The following DCT variants were observed in gnomAD, a reference collection of about 807,000 sequenced individuals.
DCT encodes the protein L-dopachrome tautomerase.
DCT carries 47 observed loss-of-function variants against 53.0 expected under a neutral mutation model. The observed-to-expected ratio is 0.89, with a 90% CI of 0.70 to 1.13. The LOEUF (loss-of-function observed/expected upper bound fraction) is 1.13, where lower values mean the gene tolerates loss of function less well. Among genes scored for constraint, DCT ranks in the 50% most tolerant of loss-of-function variants. The probability of loss-of-function intolerance (pLI) is 0.00; values close to 1 mark genes in which losing one functional copy is unlikely to be tolerated. For synonymous variants in DCT, 244 were observed against 237.0 expected (o/e 1.03, Z -0.27); for missense variants, 669 against 637.4 (o/e 1.05, Z -0.53).
intron 1 of DCT, among the ~76,000 whole-genome samples, chr13:94,469,540 T>C (rs1182876174): frequency 6.6e-6 from 1 of 152,010 alleles, no homozygotes; most frequent in African/African-American, 2.4e-5. Flanking sequence ...GGAAACCAAC[T>C]CCCTGATCTC....
At chr13:94,547,984 A>AATATATATATATATATATATATAT in the DCT span, among the ~76,000 whole-genome samples, 2 of 65,816 alleles carry the variant, frequency 3.0e-5, no homozygotes, top group African/African-American at 2.6e-4. Flanking sequence ...AAAAAAAAAA[A>AATATATATATATATATATATATAT]ATATATATAT....
the DCT span, among the ~76,000 whole-genome samples, chr13:94,526,691 T>A: frequency 5.9e-5 from 9 of 152,038 alleles, no homozygotes; most frequent in Non-Finnish European, 1.0e-4. Flanking sequence ...AGTCTGCAGC[T>A]CCCAGCGAGA....
intron 4 of DCT, among the ~76,000 whole-genome samples, chr13:94,464,678 T>G (rs912184004): frequency 6.6e-6 from 1 of 151,626 alleles, no homozygotes; most frequent in African/African-American, 2.4e-5. Flanking sequence ...CAAAACAAAT[T>G]TTGGAGGAAA....
chr13:94,536,973 C>T, the DCT span, among the ~76,000 whole-genome samples: 6 of 152,270 alleles, frequency 3.9e-5, no homozygotes, highest in African/African-American at 1.4e-4. Context: ...CTTCCTGACA[C>T]TTCACCAGAA....
the DCT span, among the ~76,000 whole-genome samples, chr13:94,502,495 A>G: frequency 2.6e-5 from 4 of 152,022 alleles, no homozygotes; most frequent in African/African-American, 4.8e-5. Context: ...CTCTTTTTCC[A>G]TTTAATCCTT....
At chr13:94,532,673 AACACCT>A in the DCT span, among the ~76,000 whole-genome samples, 1 of 152,292 alleles carries the variant, frequency 6.6e-6, no homozygotes, top group Admixed American at 6.5e-5. Context: ...CATTAGGAGA[AACACCT>A]AATGTAAATG....
At chr13:94,490,179 C>T in the DCT span, among the ~76,000 whole-genome samples, 22 of 152,014 alleles carry the variant, frequency 1.4e-4, no homozygotes, top group South Asian at 4.2e-4. Flanking sequence ...GGTTTTACAC[C>T]AAGTTCATTA....
the DCT span, among the ~76,000 whole-genome samples, chr13:94,515,145 T>C: frequency 2.0e-5 from 3 of 152,142 alleles, no homozygotes; most frequent in Non-Finnish European, 2.9e-5. Flanking sequence ...CCAACGATGT[T>C]GGTGTCTTGA....
chr13:94,444,289 C>A, intron 6 of DCT: 2 of 390,132 alleles, frequency 5.1e-6, no homozygotes, highest in Non-Finnish European at 1.0e-5. Flanking sequence ...CACTTCTGGT[C>A]CCAAGCATTT....
At chr13:94,458,158 G>A (rs1883532697) in intron 6 of DCT, among the ~76,000 whole-genome samples, 1 of 152,026 alleles carries the variant, frequency 6.6e-6, no homozygotes, top group African/African-American at 2.4e-5. Context: ...AGTCTAGTCT[G>A]CCCCATATAC....
At chr13:94,474,563 T>C (rs553268410) in intron 1 of DCT, among the ~76,000 whole-genome samples, 8 of 152,320 alleles carry the variant, frequency 5.3e-5, no homozygotes, top group African/African-American at 1.9e-4. Context: ...AAGTTCACCG[T>C]CAACTGTTCA....
At chr13:94,520,994 A>G in the DCT span, among the ~76,000 whole-genome samples, 4 of 152,236 alleles carry the variant, frequency 2.6e-5, no homozygotes, top group African/African-American at 7.2e-5. Context: ...GAGGCTGTCA[A>G]TGAAGACAAA....
the DCT span, among the ~76,000 whole-genome samples, chr13:94,529,624 G>A: frequency 6.6e-6 from 1 of 152,154 alleles, no homozygotes; most frequent in African/African-American, 2.4e-5. Context: ...CAGAATCTCT[G>A]GGACACATTT....
the DCT span, among the ~76,000 whole-genome samples, chr13:94,537,698 C>T: frequency 1.3e-5 from 2 of 152,158 alleles, no homozygotes; most frequent in African/African-American, 4.8e-5. Context: ...ACCATACAAC[C>T]TTTTTAGTCC....
upstream of DCT, among the ~76,000 whole-genome samples, chr13:94,483,338 A>C (rs928892650): frequency 3.3e-5 from 5 of 152,030 alleles, no homozygotes; most frequent in Admixed American, 3.3e-4. Flanking sequence ...TTAAACATAA[A>C]TGTTAAATAA....
At chr13:94,537,275 T>G in the DCT span, among the ~76,000 whole-genome samples, 1 of 152,240 alleles carries the variant, frequency 6.6e-6, no homozygotes, top group African/African-American at 2.4e-5. Flanking sequence ...GTTTCCCAAA[T>G]CTCATTTCTC....
At chr13:94,502,878 C>T in the DCT span, among the ~76,000 whole-genome samples, 1 of 152,256 alleles carries the variant, frequency 6.6e-6, no homozygotes. Flanking sequence ...GCCTGCCACC[C>T]CAGGTCCCCA....
intron 6 of DCT, among the ~76,000 whole-genome samples, chr13:94,445,989 C>T (rs1262506552): frequency 6.6e-6 from 1 of 152,116 alleles, no homozygotes; most frequent in Non-Finnish European, 1.5e-5. Context: ...GGAAGGAGAA[C>T]AGATGGAATG....
In DCT at chr13:94,479,077, T is replaced by C; in HGVS notation, c.179A>G (p.Gln60Arg). 6.2e-7 allele frequency: 1 copy of C among 1,614,246 alleles called. No homozygotes were observed. ...TGTGTCGGCTCGCACCTCTGTGCAC[T>C]GCCCCCGGCCTTGCTGAGAGCCACA... is the stretch of plus-strand genomic sequence containing the variant. ...NVCGSQQGRG[Q>R]CTEVRADTRP... Residue 60 changes from glutamine (Q) to arginine (R), a missense_variant, in exon 1 of 8, where the codon CAG becomes CGG. By Grantham distance (43) the Gln-to-Arg change is conservative. Transcript: ENST00000377028.
Sources: allele counts gnomAD v4.1 joint callset (sites outside exome capture counted in the v4.1 genomes callset), GRCh38; gene constraint gnomAD v4.1.1; transcripts MANE v1.5; gene names NCBI Gene and HGNC (gene_info 2026-07-23, HGNC 2026-07-21).